Variants in GLYATL2 observed in about 807,000 individuals in gnomAD.
GLYATL2 encodes the protein glycine N-acyltransferase-like protein 2.
In GLYATL2, 25 loss-of-function variants were observed where a neutral mutation model predicts 21.4. The ratio of observed to expected loss-of-function variants is 1.17; its 90% CI spans 0.85 to 1.63. GLYATL2 has a LOEUF of 1.63. Ranked by LOEUF, GLYATL2 falls within the 40% of genes most tolerant of loss-of-function variation. The pLI is 0.00. For synonymous variants in GLYATL2, 114 were observed against 118.2 expected (o/e 0.96, Z 0.23); for missense variants, 361 against 343.3 (o/e 1.05, Z -0.41).
chr11:58,881,893 A>C (rs377626149), intron 1 of GLYATL2, among the ~76,000 whole-genome samples: 1 of 152,144 alleles, frequency 6.6e-6, no homozygotes, highest in African/African-American at 2.4e-5. Flanking sequence ...CAGCTTCATC[A>C]ATGTCCCTAC....
At chr11:58,876,410 C>A (rs185042436) in intron 1 of GLYATL2, among the ~76,000 whole-genome samples, 5 of 152,284 alleles carry the variant, frequency 3.3e-5, no homozygotes, top group Non-Finnish European at 1.5e-5. Flanking sequence ...TTTTCCCCAT[C>A]TTTGTGATTT....
intron 1 of GLYATL2, among the ~76,000 whole-genome samples, chr11:58,899,148 T>A (rs961861609): frequency 1.3e-5 from 2 of 152,204 alleles, no homozygotes; most frequent in Non-Finnish European, 2.9e-5. Context: ...TGACTAGCGA[T>A]GAGGGCTTCA....
At chr11:58,862,048 CA>C (rs1853940754) in intron 1 of GLYATL2, among the ~76,000 whole-genome samples, 1 of 10,612 alleles carries the variant, frequency 9.4e-5, no homozygotes, top group Non-Finnish European at 5.6e-3. Context: ...TTTGCAAAAA[CA>C]AACAAACAAA....
chr11:58,879,850 C>T (rs1431167926), intron 1 of GLYATL2, among the ~76,000 whole-genome samples: 1 of 109,692 alleles, frequency 9.1e-6, no homozygotes, highest in African/African-American at 3.5e-5. Context: ...TTCTTTTTTT[C>T]CTTGTTTTTT....
chr11:58,849,592 C>G (rs1486062739), upstream of GLYATL2, among the ~76,000 whole-genome samples: 1 of 152,180 alleles, frequency 6.6e-6, no homozygotes, highest in African/African-American at 2.4e-5. Flanking sequence ...CTGACAGCTT[C>G]ACTGCTGAAT....
At chr11:58,879,956 T>C (rs958677221) in intron 1 of GLYATL2, among the ~76,000 whole-genome samples, 1 of 151,074 alleles carries the variant, frequency 6.6e-6, no homozygotes, top group African/African-American at 2.4e-5. Flanking sequence ...CCTCCCGGGC[T>C]CATGCCATTC....
chr11:58,847,896 G>A (rs574664169), upstream of GLYATL2, among the ~76,000 whole-genome samples: 29 of 152,108 alleles, frequency 1.9e-4, no homozygotes, highest in South Asian at 1.5e-3. Flanking sequence ...AGTGCTGTGC[G>A]GACCTCAGGC....
At chr11:58,904,653 G>A (rs959959065), upstream of GLYATL2, among the ~76,000 whole-genome samples, 3 of 152,140 alleles carry the variant, frequency 2.0e-5, no homozygotes, top group African/African-American at 4.8e-5. Context: ...CTGTCTTTAC[G>A]TTTTTCTCTT....
In GLYATL2 at chr11:58,834,300, G is replaced by T; in HGVS notation, c.*129C>A. The stretch of plus-strand genomic sequence containing the variant: ...GGAGAAGGAAGGTAAAACTGTTAAG[G>T]GTGAGCTTAAGTAATACACAGATCC... On this transcript the variant is annotated 3_prime_UTR_variant, in exon 6 of 6. Coordinates refer to ENST00000287275, the MANE Select transcript of GLYATL2 (RefSeq NM_145016.4). 1.5e-6 allele frequency: 1 copy of T among 670,824 alleles called. No homozygotes were observed. Among genetic ancestry groups the T allele is most frequent in the Non-Finnish European group, 2.4e-6 (1 of 421,672 alleles). The allele number at this position is 670,824 out of a possible 1,614,324, so 41.6% of individuals were successfully genotyped here.
At chr11:58,894,854 T>C (rs1387492543) in intron 1 of GLYATL2, among the ~76,000 whole-genome samples, 1 of 152,226 alleles carries the variant, frequency 6.6e-6, no homozygotes, top group African/African-American at 2.4e-5. Flanking sequence ...AAGAAACATG[T>C]CATTTGGAAT....
At chr11:58,837,208 T>C (rs1160566514) in intron 4 of GLYATL2, 31 bp from the exon 5 acceptor site, 1 of 1,613,094 alleles carries the variant, frequency 6.2e-7, no homozygotes, top group East Asian at 2.2e-5. Flanking sequence ...AGTACCACTT[T>C]ATGCCTTCCA....
intron 1 of GLYATL2, among the ~76,000 whole-genome samples, chr11:58,858,812 T>G (rs1372109828): frequency 6.6e-6 from 1 of 152,188 alleles, no homozygotes; most frequent in Non-Finnish European, 1.5e-5. Flanking sequence ...GCAATGTCGT[T>G]TCCCAAAGTG....
chr11:58,879,810 A>G (rs1354775289), intron 1 of GLYATL2, among the ~76,000 whole-genome samples: 1 of 151,062 alleles, frequency 6.6e-6, no homozygotes, highest in Admixed American at 6.6e-5. Context: ...ACGGTTAAAC[A>G]GTTTTGTGTT....
intron 1 of GLYATL2, among the ~76,000 whole-genome samples, chr11:58,899,272 G>A (rs1050513434): frequency 6.6e-5 from 10 of 151,932 alleles, no homozygotes; most frequent in South Asian, 2.1e-4. Flanking sequence ...CCACCTCAGG[G>A]GATTTCAGGA....
chr11:58,886,154 T>C (rs987745832), intron 1 of GLYATL2, among the ~76,000 whole-genome samples: 1 of 152,000 alleles, frequency 6.6e-6, no homozygotes, highest in African/African-American at 2.4e-5. Flanking sequence ...GAGGTCGAGG[T>C]TGCATTGAGC....
chr11:58,868,585 G>A (rs1396503457), intron 1 of GLYATL2, among the ~76,000 whole-genome samples: 1 of 149,184 alleles, frequency 6.7e-6, no homozygotes, highest in Non-Finnish European at 1.5e-5. Flanking sequence ...TCTGTGCAGT[G>A]AAGAGCAGGA....
In GLYATL2 at chr11:58,844,435, T is replaced by A. The variant is rs1478888741; in HGVS notation, c.-42A>T. On this transcript the variant is annotated splice_region_variant and 5_prime_UTR_variant, in exon 1 of 6. Coordinates refer to ENST00000287275, the MANE Select transcript of GLYATL2 (RefSeq NM_145016.4). ...GCTGTTCTAAATAATTCTGCTTACC[T>A]GAAGTTTCTTTGTAGACCTGTAGGC... 6.6e-6 allele frequency: 1 copy of A among 152,226 alleles called. No homozygotes were observed. Among genetic ancestry groups the A allele is most frequent in the Non-Finnish European group, 1.5e-5 (1 of 68,040 alleles). The allele number at this position is 152,226 out of a possible 1,614,324, so 9.4% of individuals were successfully genotyped here. A position where few individuals can be genotyped will look rare whatever the true frequency, so the allele number is the denominator to read the frequency against.
intron 1 of GLYATL2, among the ~76,000 whole-genome samples, chr11:58,857,838 GC>G (rs2134591900): frequency 1.4e-5 from 2 of 140,854 alleles, no homozygotes; most frequent in East Asian, 4.2e-4. Flanking sequence ...TCTCACTGTT[GC>G]CTGTCTCCTG....
intron 1 of GLYATL2, among the ~76,000 whole-genome samples, chr11:58,899,259 C>T (rs1248825016): frequency 6.6e-6 from 1 of 152,054 alleles, no homozygotes; most frequent in Non-Finnish European, 1.5e-5. Context: ...TCCACTCCCA[C>T]CCCCACCTCA....
Sources: allele counts gnomAD v4.1 joint callset (sites outside exome capture counted in the v4.1 genomes callset), GRCh38; gene constraint gnomAD v4.1.1; transcripts MANE v1.5; gene names NCBI Gene and HGNC (gene_info 2026-07-23, HGNC 2026-07-21).